ZSCAN25: variants seen among roughly 807,000 people sequenced by gnomAD.
ZSCAN25 encodes the protein zinc finger and SCAN domain containing 25.
ZSCAN25 carries 27 observed loss-of-function variants against 38.7 expected under a neutral mutation model. The observed-to-expected ratio is 0.70, with a 90% CI of 0.51 to 0.96. ZSCAN25 has a LOEUF of 0.96. ZSCAN25 is among the 40% of genes least tolerant of loss of function. ZSCAN25 has a pLI of 0.00. For synonymous variants in ZSCAN25, 273 were observed against 277.7 expected, an observed-to-expected ratio of 0.98 and a Z score of 0.17; for missense variants, 637 against 705.9, an observed-to-expected ratio of 0.90 and a Z score of 1.11.
the ZSCAN25 span, among the ~76,000 whole-genome samples, chr7:99,657,826 A>G: frequency 2.0e-5 from 3 of 151,986 alleles, no homozygotes; most frequent in Non-Finnish European, 4.4e-5. Flanking sequence ...TGATCCCTTT[A>G]CCATTATGTA....
At chr7:99,638,536 A>G in the ZSCAN25 span, 1 of 1,513,428 alleles carries the variant, frequency 6.6e-7, no homozygotes. Context: ...GTCCCAGTGT[A>G]GTTATGCCGC....
At chr7:99,688,309 A>C in the ZSCAN25 span, among the ~76,000 whole-genome samples, 87 of 152,334 alleles carry the variant, frequency 5.7e-4, no homozygotes, top group African/African-American at 2.0e-3. Flanking sequence ...TAGGCTCAAA[A>C]TAAAGGGATG....
At chr7:99,650,546 T>C in the ZSCAN25 span, among the ~76,000 whole-genome samples, 1 of 152,212 alleles carries the variant, frequency 6.6e-6, no homozygotes, top group Non-Finnish European at 1.5e-5. Flanking sequence ...AAAAGGCACA[T>C]AAATGATAAG....
the ZSCAN25 span, chr7:99,666,500 C>G: frequency 1.6e-6 from 2 of 1,280,538 alleles, no homozygotes; most frequent in Non-Finnish European, 2.3e-6. Flanking sequence ...CTGCTTTTGT[C>G]TGGTCACTGG....
chr7:99,629,214 G>A lies in ZSCAN25; in HGVS notation c.829G>A (p.Ala277Thr). The A allele has an allele frequency of 1.2e-6, 2 of 1,611,664 alleles. No individual in the cohort carries two copies. The highest frequency in any genetic ancestry group is 2.2e-5 in the South Asian group (2 of 90,820). Residue 277 changes from alanine to threonine, a missense_variant, in exon 8 of 8, where the codon GCA (alanine) becomes ACA (threonine). Coordinates refer to ENST00000394152, the MANE Select transcript of ZSCAN25 (RefSeq NM_145115.3). This position sits in a 1 kb window ranked among gnomAD's most constrained non-coding sequence, Gnocchi z 5.6. The stretch of plus-strand genomic sequence containing the variant: ...AGGCGGTGGGAGCAAGGAAAAGGAG[G>A]CAAAACCCCCACAGGAAGACCTGAA... ...SPGGGSKEKE[A>T]KPPQEDLKGA...
chr7:99,681,488 G>A, the ZSCAN25 span, among the ~76,000 whole-genome samples: 1 of 152,076 alleles, frequency 6.6e-6, no homozygotes, highest in Non-Finnish European at 1.5e-5. Context: ...CCTGTCTTTT[G>A]GATAAAAACC....
chr7:99,729,173 CCTT>C, the ZSCAN25 span, among the ~76,000 whole-genome samples: 2 of 152,072 alleles, frequency 1.3e-5, no homozygotes, highest in Non-Finnish European at 2.9e-5. Context: ...CTGTTTTTCT[CCTT>C]CTGTTATTCG....
At chr7:99,667,092 T>A in the ZSCAN25 span, 1 of 1,592,964 alleles carries the variant, frequency 6.3e-7, no homozygotes, top group African/African-American at 1.3e-5. Flanking sequence ...ACATTTTTTC[T>A]CACATTAGTT....
chr7:99,698,589 G>C, the ZSCAN25 span, among the ~76,000 whole-genome samples: 1 of 151,992 alleles, frequency 6.6e-6, no homozygotes, highest in Non-Finnish European at 1.5e-5. Context: ...TATTTAAAAA[G>C]ACATATCTTT....
the ZSCAN25 span, chr7:99,730,915 G>A: frequency 9.1e-7 from 1 of 1,104,240 alleles, no homozygotes; most frequent in Non-Finnish European, 1.3e-6. Context: ...GGTAAACTTT[G>A]CCACGCTCTG....
the ZSCAN25 span, among the ~76,000 whole-genome samples, chr7:99,723,786 A>C: frequency 6.6e-6 from 1 of 151,898 alleles, no homozygotes; most frequent in South Asian, 2.1e-4. Context: ...TCCCTTCCTT[A>C]ATTTCAGTTT....
the ZSCAN25 span, among the ~76,000 whole-genome samples, chr7:99,707,089 C>T: frequency 0.75 from 113,918 of 152,056 alleles, 46,277 homozygotes; most frequent in Non-Finnish European, 0.91. Context: ...GGGAATTGAA[C>T]TAGGACTTGA....
chr7:99,720,426 AC>A, the ZSCAN25 span: 1 of 1,613,208 alleles, frequency 6.2e-7, no homozygotes. Flanking sequence ...TGTGGAGAAA[AC>A]AGAGTTGATT....
chr7:99,710,760 T>C, the ZSCAN25 span: 1 of 1,613,950 alleles, frequency 6.2e-7, no homozygotes, highest in Non-Finnish European at 8.5e-7. Context: ...ATCAATTTCC[T>C]TCTGCACTTT....
At chr7:99,623,424 C>G (rs1807175128) in intron 6 of ZSCAN25, among the ~76,000 whole-genome samples, 1 of 152,194 alleles carries the variant, frequency 6.6e-6, no homozygotes, top group Admixed American at 6.5e-5. Flanking sequence ...CCACAGGGTG[C>G]TGAGCACTAG....
the ZSCAN25 span, among the ~76,000 whole-genome samples, chr7:99,719,447 ATC>A: frequency 6.6e-6 from 1 of 152,220 alleles, no homozygotes; most frequent in Non-Finnish European, 1.5e-5. Context: ...GTTGATCTAA[ATC>A]TCATACCTTA....
At chr7:99,718,590 A>T in the ZSCAN25 span, among the ~76,000 whole-genome samples, 1 of 152,198 alleles carries the variant, frequency 6.6e-6, no homozygotes, top group East Asian at 1.9e-4. Flanking sequence ...ATCATTCTTG[A>T]TGATGAAAGA....
At chr7:99,723,437 G>T in the ZSCAN25 span, among the ~76,000 whole-genome samples, 2 of 152,132 alleles carry the variant, frequency 1.3e-5, no homozygotes, top group African/African-American at 4.8e-5. Context: ...GCTTACCCCA[G>T]TCCTATAAAA....
chr7:99,735,072 C>A, the ZSCAN25 span: 1 of 1,613,978 alleles, frequency 6.2e-7, no homozygotes, highest in African/African-American at 1.3e-5. Context: ...GTTTCCACGG[C>A]CAAGTTTGGG....
Sources: allele counts gnomAD v4.1 joint callset (sites outside exome capture counted in the v4.1 genomes callset), GRCh38; gene constraint gnomAD v4.1.1; non-coding constraint Gnocchi (gnomAD v3.1); transcripts MANE v1.5; gene names NCBI Gene and HGNC (gene_info 2026-07-23, HGNC 2026-07-21).